TAFA5: variants seen among roughly 807,000 people sequenced by gnomAD.
TAFA5 encodes TAFA chemokine like family member 5, also known as chemokine-like protein TAFA-5.
Under a neutral mutation model 15.3 loss-of-function variants are expected in TAFA5, and 6 were observed. The observed-to-expected ratio is 0.39, with a 90% CI of 0.21 to 0.77. The LOEUF is 0.77. Among genes scored for constraint, TAFA5 ranks in the 30% least tolerant of loss-of-function variants. The pLI is 0.41. For synonymous variants in TAFA5, 103 were observed against 80.7 expected (o/e 1.28, Z -1.48); for missense variants, 161 against 193.1 (o/e 0.83, Z 0.98).
At position 48,633,539 on chromosome 22, in the gene TAFA5, C is replaced by CTCTCTCTCTCTCTCT. The variant is rs1569056626; in HGVS notation, c.113-13058_113-13057insTCTCTCTCTCTCTCT. Among the ~76,000 whole-genome samples, 398 of 128,736 alleles carry CTCTCTCTCTCTCTCT rather than the reference C, an allele frequency of 3.1e-3. 7 individuals are homozygous for CTCTCTCTCTCTCTCT. Among genetic ancestry groups the CTCTCTCTCTCTCTCT allele is most frequent in the East Asian group, 0.011 (43 of 3,802 alleles). The allele number at this position is 128,736 out of a possible 152,430, so 84.5% of individuals were successfully genotyped here. ...CTGTCTGTCTGTCTGTCTGTCTCTC[C>CTCTCTCTCTCTCTCT]CTCTCTCTCTCTCTCTCTCCATCTC... On this transcript the variant is annotated intron_variant, in intron 1 of 3. Coordinates refer to ENST00000402357, the MANE Select transcript of TAFA5 (RefSeq NM_001082967.3).
chr22:48,600,148 C>T (rs1383939391), intron 1 of TAFA5, among the ~76,000 whole-genome samples: 4 of 151,844 alleles, frequency 2.6e-5, no homozygotes, highest in Non-Finnish European at 2.9e-5. Context: ...TTTTACCATT[C>T]GCTGTCACAG....
chr22:48,571,574 G>GTTTTGTTTT lies in TAFA5; in HGVS notation c.113-75019_113-75018insGTTTTTTTT, dbSNP rs1923586979. On this transcript the variant is annotated intron_variant, in intron 1 of 3. Coordinates refer to ENST00000402357, the MANE Select transcript of TAFA5 (RefSeq NM_001082967.3). ...AGGCATGAGCCACTGTGCCTGGCCT[G>GTTTTGTTTT]TTTTTTTTTTTTTTTTTTTTTTTTT... 1.6e-3 allele frequency among the ~76,000 whole-genome samples: 47 copies of GTTTTGTTTT among 29,248 alleles called. 2 individuals carry two copies. Among genetic ancestry groups the GTTTTGTTTT allele is most frequent in the East Asian group, 2.1e-3 (2 of 948 alleles). 19.2% of individuals were successfully genotyped at this position (29,248 alleles called of 152,430 possible).
At chr22:48,526,917 G>A (rs1346387361) in intron 1 of TAFA5, among the ~76,000 whole-genome samples, 1 of 152,204 alleles carries the variant, frequency 6.6e-6, no homozygotes, top group Non-Finnish European at 1.5e-5. Context: ...AGATGGGACT[G>A]CATTTCCTCT....
intron 1 of TAFA5, among the ~76,000 whole-genome samples, chr22:48,554,846 G>A (rs1370741666): frequency 1.3e-5 from 2 of 152,230 alleles, no homozygotes; most frequent in South Asian, 2.1e-4. Flanking sequence ...GAGCTTGCAG[G>A]AGTGTCTCTG....
chr22:48,568,326 G>A (rs576504001), intron 1 of TAFA5, among the ~76,000 whole-genome samples: 8 of 152,308 alleles, frequency 5.3e-5, no homozygotes, highest in East Asian at 1.9e-4. Context: ...CTCACGTCTC[G>A]TCTGCTCCAG....
chr22:48,630,268 A>G (rs1267223809), intron 1 of TAFA5, among the ~76,000 whole-genome samples: 1 of 152,058 alleles, frequency 6.6e-6, no homozygotes, highest in East Asian at 1.9e-4. Flanking sequence ...TCGCTGAATG[A>G]CGTGTCCCCT....
chr22:48,581,506 G>A (rs967050158), intron 1 of TAFA5, among the ~76,000 whole-genome samples: 3 of 152,134 alleles, frequency 2.0e-5, no homozygotes, highest in Non-Finnish European at 1.5e-5. Context: ...CTGGAGGTGG[G>A]TGGTTTTTGC....
At chr22:48,720,536 G>A (rs1323284152) in intron 3 of TAFA5, among the ~76,000 whole-genome samples, 2 of 152,124 alleles carry the variant, frequency 1.3e-5, no homozygotes, top group African/African-American at 2.4e-5. Flanking sequence ...TACCTGGCGG[G>A]GACTGCGGCA....
intron 3 of TAFA5, among the ~76,000 whole-genome samples, chr22:48,712,621 C>T (rs907767663): frequency 6.6e-6 from 1 of 152,196 alleles, no homozygotes; most frequent in Admixed American, 6.5e-5. Flanking sequence ...CTCTGCGGTG[C>T]TTTTCCAGGT....
chr22:48,510,489 G>A (rs1921171620), intron 1 of TAFA5, among the ~76,000 whole-genome samples: 1 of 152,244 alleles, frequency 6.6e-6, no homozygotes, highest in Non-Finnish European at 1.5e-5. Context: ...GGCTATTAGT[G>A]ATTATAGCTG....
intron 1 of TAFA5, among the ~76,000 whole-genome samples, chr22:48,571,768 T>G (rs1323184033): frequency 2.6e-5 from 4 of 151,966 alleles, no homozygotes; most frequent in Non-Finnish European, 5.9e-5. Flanking sequence ...CCTTTAGAAC[T>G]TCTAATAAAT....
intron 1 of TAFA5, among the ~76,000 whole-genome samples, chr22:48,582,700 CACAA>C (rs1924113878): frequency 6.7e-6 from 1 of 150,204 alleles, no homozygotes; most frequent in African/African-American, 2.5e-5. Context: ...ACACACCACA[CACAA>C]AATACACCAC....
At chr22:48,579,949 A>T (rs766739964) in intron 1 of TAFA5, among the ~76,000 whole-genome samples, 1 of 151,600 alleles carries the variant, frequency 6.6e-6, no homozygotes, top group Non-Finnish European at 1.5e-5. Context: ...TTGAGGTTCA[A>T]CTCTATCTCG....
intron 2 of TAFA5, among the ~76,000 whole-genome samples, chr22:48,660,978 A>G (rs1255290203): frequency 1.3e-5 from 2 of 152,184 alleles, no homozygotes; most frequent in African/African-American, 4.8e-5. Flanking sequence ...ACTCTGACGC[A>G]GGAGCAGGCA....
chr22:48,492,568 C>G (rs372637588), intron 1 of TAFA5, among the ~76,000 whole-genome samples: 3 of 152,136 alleles, frequency 2.0e-5, no homozygotes, highest in Admixed American at 6.6e-5. Flanking sequence ...ACCGTCTGGC[C>G]GGAGAAAGAC....
chr22:48,623,877 T>G (rs1372500481), intron 1 of TAFA5, among the ~76,000 whole-genome samples: 1 of 152,264 alleles, frequency 6.6e-6, no homozygotes, highest in South Asian at 2.1e-4. Context: ...TGCACCTACT[T>G]TTCACCTAAT....
At chr22:48,587,021 G>T (rs1924386645) in intron 1 of TAFA5, among the ~76,000 whole-genome samples, 1 of 152,208 alleles carries the variant, frequency 6.6e-6, no homozygotes, top group African/African-American at 2.4e-5. Context: ...CCTGTCCAGG[G>T]TGCAGGAGCC....
chr22:48,550,653 T>C lies in TAFA5; in HGVS notation c.112+60949T>C, dbSNP rs757961870. 1.3e-5 allele frequency among the ~76,000 whole-genome samples: 2 copies of C among 152,044 alleles called. No individual in the cohort carries two copies. Among genetic ancestry groups the C allele is most frequent in the African/African-American group, 2.4e-5 (1 of 41,424 alleles). ...GATCCTCCCAAGGTCCCTTTGCAGG[T>C]TGGAACCTGCGGCTCCAAGGTGAGG... On this transcript the variant is annotated intron_variant, in intron 1 of 3. Coordinates refer to ENST00000402357, the MANE Select transcript of TAFA5 (RefSeq NM_001082967.3). This position sits in a 1 kb window ranked among gnomAD's most constrained non-coding sequence, Gnocchi z 4.1.
intron 3 of TAFA5, among the ~76,000 whole-genome samples, chr22:48,745,496 G>A (rs1569103344): frequency 1.3e-5 from 2 of 150,944 alleles, no homozygotes; most frequent in Admixed American, 1.3e-4. Flanking sequence ...CCTGTCCGGG[G>A]TTCACCCTGA....
Sources: allele counts gnomAD v4.1 joint callset (sites outside exome capture counted in the v4.1 genomes callset), GRCh38; gene constraint gnomAD v4.1.1; non-coding constraint Gnocchi (gnomAD v3.1); transcripts MANE v1.5; gene names NCBI Gene and HGNC (gene_info 2026-07-23, HGNC 2026-07-21).